ANO2: variants seen among roughly 807,000 people sequenced by gnomAD.
The protein encoded by ANO2 is anoctamin 2.
A neutral mutation model predicts 124.2 loss-of-function variants in ANO2; 101 were observed. The ratio of observed to expected loss-of-function variants is 0.81; its 90% CI spans 0.69 to 0.96. ANO2 has a LOEUF of 0.96. ANO2 is among the 40% of genes least tolerant of loss of function. The pLI, the probability that ANO2 is intolerant of heterozygous loss-of-function variation, is 0.00. For missense variants in ANO2, 1,293 were observed against 1,274.5 expected (o/e 1.01, Z -0.22); for synonymous variants, 486 against 482.5 (o/e 1.01, Z -0.09).
rs763508839 is a variant in ANO2 at position 5,612,631 on chromosome 12, G to A, written c.2087+25C>T. 207 of 1,601,164 alleles carry A rather than the reference G, an allele frequency of 1.3e-4. 1 individual carries two copies. Among genetic ancestry groups the A allele is most frequent in the Non-Finnish European group, 1.6e-4 (183 of 1,168,670 alleles). On this transcript the variant is annotated intron_variant, in intron 19 of 24. Transcript: ENST00000682330. ...GGGCTAACCCCTGGCAGCAAGGAGA[G>A]AGGTTAGAGGAGTTCATTACATACG...
chr12:5,816,538 C>G (rs1447933488), intron 7 of ANO2, among the ~76,000 whole-genome samples: 1 of 152,124 alleles, frequency 6.6e-6, no homozygotes, highest in Non-Finnish European at 1.5e-5. Flanking sequence ...CAGCCTAATT[C>G]CACTCCTACT....
At chr12:5,657,379 A>G (rs1947210777) in intron 14 of ANO2, among the ~76,000 whole-genome samples, 1 of 152,164 alleles carries the variant, frequency 6.6e-6, no homozygotes, top group Non-Finnish European at 1.5e-5. Flanking sequence ...GTGATTTGAT[A>G]TGGCTGGCTT....
intron 15 of ANO2, among the ~76,000 whole-genome samples, chr12:5,637,339 A>ATG (rs10700184): frequency 0.25 from 37,343 of 148,840 alleles, 4,868 homozygotes; most frequent in African/African-American, 0.34. Flanking sequence ...GAGTGAGTGA[A>ATG]TGTGTGTGTG....
intron 14 of ANO2, among the ~76,000 whole-genome samples, chr12:5,717,032 G>T (rs1950049773): frequency 6.6e-6 from 1 of 152,238 alleles, no homozygotes; most frequent in South Asian, 2.1e-4. Flanking sequence ...ACCAGCATCA[G>T]CTCCCAGATG....
At chr12:5,913,430 C>T (rs1941175345) in intron 3 of ANO2, among the ~76,000 whole-genome samples, 1 of 152,216 alleles carries the variant, frequency 6.6e-6, no homozygotes, top group Non-Finnish European at 1.5e-5. Context: ...GTCCAGTGGG[C>T]TCACGGCCCT....
intron 20 of ANO2, among the ~76,000 whole-genome samples, chr12:5,596,526 G>A (rs1943669248): frequency 6.6e-6 from 1 of 152,122 alleles, no homozygotes; most frequent in African/African-American, 2.4e-5. Flanking sequence ...TAAGGTGTGG[G>A]GTTTGGGGTT....
At chr12:5,667,127 C>T (rs1384513029) in intron 14 of ANO2, among the ~76,000 whole-genome samples, 1 of 152,198 alleles carries the variant, frequency 6.6e-6, no homozygotes, top group Admixed American at 6.5e-5. Context: ...TCTGGGACCC[C>T]ACCCTATGCA....
intron 3 of ANO2, among the ~76,000 whole-genome samples, chr12:5,888,056 G>T (rs1483252052): frequency 2.0e-5 from 3 of 152,136 alleles, no homozygotes; most frequent in Non-Finnish European, 2.9e-5. Context: ...GCGGACCCTC[G>T]CAGTGAGTGT....
intron 19 of ANO2, among the ~76,000 whole-genome samples, chr12:5,611,426 T>C (rs866645160): frequency 6.6e-6 from 1 of 152,200 alleles, no homozygotes; most frequent in Admixed American, 6.5e-5. Flanking sequence ...AAGGGCCGTT[T>C]CATCTACATT....
At chr12:5,679,066 A>G (rs1430410715) in intron 14 of ANO2, among the ~76,000 whole-genome samples, 1 of 152,266 alleles carries the variant, frequency 6.6e-6, no homozygotes, top group Non-Finnish European at 1.5e-5. Flanking sequence ...CTCAGACAGC[A>G]TTGACATATG....
chr12:5,914,943 TAA>T (rs1001767796), intron 3 of ANO2, among the ~76,000 whole-genome samples: 35 of 152,250 alleles, frequency 2.3e-4, no homozygotes, highest in African/African-American at 8.2e-4. Flanking sequence ...GAGGTTTCTT[TAA>T]GAGAGAGTGG....
chr12:5,797,794 T>C lies in ANO2; in HGVS notation c.1055+1713A>G, dbSNP rs181270828. Among the ~76,000 whole-genome samples the C allele has an allele frequency of 4.6e-3, 705 of 152,264 alleles. 8 individuals carry two copies. The highest frequency in any genetic ancestry group is 0.016 in the African/African-American group (670 of 41,552). On this transcript the variant is annotated intron_variant, in intron 10 of 24. Transcript: ENST00000682330. ...TGGGAGTGTTCCAGGCCATCTGATC[T>C]GTGAGGAGCTGTAGACAGCCTCCGG...
chr12:5,683,170 A>T (rs548928795), intron 14 of ANO2, among the ~76,000 whole-genome samples: 1 of 151,218 alleles, frequency 6.6e-6, no homozygotes, highest in South Asian at 2.1e-4. Context: ...GCCCCCTATT[A>T]TCATCATAAG....
chr12:5,906,794 AAAAT>A (rs551277367), intron 3 of ANO2, among the ~76,000 whole-genome samples: 1 of 151,222 alleles, frequency 6.6e-6, no homozygotes, highest in East Asian at 1.9e-4. Context: ...ACTCTGTCTC[AAAAT>A]AAATAAATAA....
At chr12:5,873,196 G>GCTCTCTCTCTCTCTCTCTCTCT (rs57038931) in intron 3 of ANO2, among the ~76,000 whole-genome samples, 8 of 119,050 alleles carry the variant, frequency 6.7e-5, no homozygotes, top group Admixed American at 8.5e-5. Context: ...GCCTAAAGCA[G>GCTCTCTCTCTCTCTCTCTCTCT]CTCTCTCTCT....
rs1289299699 is a variant in ANO2 at position 5,769,224 on chromosome 12, A to T, written c.1056-18254T>A. On this transcript the variant is annotated intron_variant, in intron 10 of 24. Transcript: ENST00000682330. The surrounding 1 kb of genome is among the most constrained non-coding windows in gnomAD (Gnocchi z 4.0). The stretch of plus-strand genomic sequence containing the variant: ...AATCCTCTCTTTAAGAAGGTTTCCA[A>T]ATAAAGAGCCATCGTATGGAGCAAG... Among the ~76,000 whole-genome samples the T allele has an allele frequency of 2.0e-5, 3 of 152,124 alleles. No homozygotes were observed. Among genetic ancestry groups the T allele is most frequent in the African/African-American group, 7.2e-5 (3 of 41,414 alleles).
intron 7 of ANO2, among the ~76,000 whole-genome samples, chr12:5,815,291 A>G (rs1395496428): frequency 6.6e-6 from 1 of 152,232 alleles, no homozygotes; most frequent in Non-Finnish European, 1.5e-5. Context: ...AAACTGAGAT[A>G]GCAAAACTCG....
At chr12:5,616,859 C>T (rs376261462) in intron 16 of ANO2, among the ~76,000 whole-genome samples, 3 of 152,056 alleles carry the variant, frequency 2.0e-5, no homozygotes, top group East Asian at 3.9e-4. Context: ...CCAGATCACA[C>T]AGTACCACAT....
At chr12:5,575,713 G>A in intron 23 of ANO2, 121 bp downstream of exon 23, 1 of 1,088,704 alleles carries the variant, frequency 9.2e-7, no homozygotes, top group Non-Finnish European at 1.3e-6. Context: ...CCATATATGT[G>A]GTCTGCTGTT....
Sources: allele counts gnomAD v4.1 joint callset (sites outside exome capture counted in the v4.1 genomes callset), GRCh38; gene constraint gnomAD v4.1.1; non-coding constraint Gnocchi (gnomAD v3.1); transcripts MANE v1.5; gene names NCBI Gene and HGNC (gene_info 2026-07-23, HGNC 2026-07-21).